The following RPH3A variants were observed in gnomAD, a reference collection of about 807,000 sequenced individuals.
The protein encoded by RPH3A is rabphilin-3A.
In RPH3A, 48 loss-of-function variants were observed where a neutral mutation model predicts 102.2. The ratio of observed to expected loss-of-function variants is 0.47; its 90% confidence interval spans 0.37 to 0.60. RPH3A has a LOEUF of 0.60. Among genes scored for constraint, RPH3A ranks in the 20% least tolerant of loss-of-function variants. RPH3A has a pLI of 0.00. For synonymous variants in RPH3A, 310 were observed against 324.3 expected, an observed-to-expected ratio of 0.96 and a Z score of 0.47; for missense variants, 781 against 910.1, an observed-to-expected ratio of 0.86 and a Z score of 1.83.
chr12:112,841,759 G>C (rs1315119198), intron 4 of RPH3A, among the ~76,000 whole-genome samples: 4 of 151,082 alleles, frequency 2.6e-5, no homozygotes, highest in Non-Finnish European at 4.4e-5. Flanking sequence ...TCTGGTCTGG[G>C]GTTAGTGTAT....
At chr12:112,708,706 C>A (rs2040441226) in intron 1 of RPH3A, among the ~76,000 whole-genome samples, 1 of 152,094 alleles carries the variant, frequency 6.6e-6, no homozygotes, top group Non-Finnish European at 1.5e-5. Flanking sequence ...GGATGAGTGT[C>A]CATGTATCTG....
At chr12:112,831,890 G>A in intron 3 of RPH3A, 1 of 448,056 alleles carries the variant, frequency 2.2e-6, no homozygotes, top group Non-Finnish European at 4.5e-6. Context: ...AGTATGATGT[G>A]CTTAAGTGTG....
intron 1 of RPH3A, among the ~76,000 whole-genome samples, chr12:112,733,451 G>T (rs1346968015): frequency 6.6e-6 from 1 of 152,166 alleles, no homozygotes; most frequent in Admixed American, 6.5e-5. Flanking sequence ...AAGATAAAGG[G>T]GTTGAAGCAG....
intron 13 of RPH3A, among the ~76,000 whole-genome samples, chr12:112,877,273 A>G (rs1035501494): frequency 1.3e-5 from 2 of 152,086 alleles, no homozygotes; most frequent in Non-Finnish European, 2.9e-5. Flanking sequence ...TCTTTAATGT[A>G]TATCTTCTAA....
Position 112,784,977 on chromosome 12 carries a change from C to T in RPH3A, c.-139-7166C>T, listed in dbSNP as rs545263334. Among the ~76,000 whole-genome samples, 15 of 152,306 alleles carry T rather than the reference C, an allele frequency of 9.8e-5. 1 individual carries two copies. The South Asian group carries it at 1.7e-3, about 17-fold the overall frequency. On this transcript the variant is annotated intron_variant, in intron 1 of 21. Coordinates refer to the RPH3A transcript ENST00000543106. ...GTGGCTCACGCCTATAATCCCAGCACTTTGGGAGGCAGAGGCGGGTGGATC... is the reference window on the plus strand; with the variant it reads ...GTGGCTCACGCCTATAATCCCAGCATTTTGGGAGGCAGAGGCGGGTGGATC...
chr12:112,890,820 G>A, intron 18 of RPH3A, 29 bp from the exon 19 acceptor site: 1 of 1,608,238 alleles, frequency 6.2e-7, no homozygotes, highest in Non-Finnish European at 8.5e-7. Flanking sequence ...TCCCCTCCAA[G>A]GCCCACACTG....
chr12:112,680,836 G>C (rs2040221502), intron 1 of RPH3A, among the ~76,000 whole-genome samples: 1 of 152,006 alleles, frequency 6.6e-6, no homozygotes, highest in Non-Finnish European at 1.5e-5. Context: ...TTTTAATGCT[G>C]ATAGCTTCCA....
chr12:112,802,055 G>A (rs1267834430), intron 2 of RPH3A, among the ~76,000 whole-genome samples: 1 of 152,126 alleles, frequency 6.6e-6, no homozygotes, highest in Non-Finnish European at 1.5e-5. Flanking sequence ...GCAACCCAGA[G>A]TATTTCTGAA....
chr12:112,577,052 T>C (rs1270364401), intron 1 of RPH3A, among the ~76,000 whole-genome samples: 2 of 151,936 alleles, frequency 1.3e-5, no homozygotes, highest in Non-Finnish European at 2.9e-5. Context: ...AACACAGGCA[T>C]GTGCCACTGT....
At chr12:112,880,219 A>T (rs1438536841) in intron 14 of RPH3A, among the ~76,000 whole-genome samples, 1 of 152,154 alleles carries the variant, frequency 6.6e-6, no homozygotes, top group Non-Finnish European at 1.5e-5. Context: ...TTGGACATCT[A>T]TTATGTATCA....
chr12:112,669,702 C>T (rs1222254805), intron 1 of RPH3A, among the ~76,000 whole-genome samples: 1 of 152,196 alleles, frequency 6.6e-6, no homozygotes, highest in Non-Finnish European at 1.5e-5. Flanking sequence ...TCATGATTTA[C>T]ATAAATGAGA....
intron 14 of RPH3A, among the ~76,000 whole-genome samples, chr12:112,881,089 G>A (rs1260949667): frequency 3.3e-5 from 5 of 152,186 alleles, no homozygotes; most frequent in East Asian, 3.9e-4. Flanking sequence ...CATGGTATAA[G>A]TGCTGTGCAG....
At chr12:112,646,149 G>C (rs1037741134) in intron 1 of RPH3A, among the ~76,000 whole-genome samples, 6 of 152,104 alleles carry the variant, frequency 3.9e-5, no homozygotes, top group African/African-American at 1.4e-4. Context: ...GTGTGCACCA[G>C]GATGCTTTTG....
At chr12:112,719,542 T>C (rs2040537618) in intron 1 of RPH3A, among the ~76,000 whole-genome samples, 1 of 152,206 alleles carries the variant, frequency 6.6e-6, no homozygotes, top group Admixed American at 6.5e-5. Flanking sequence ...TCTAATGGTC[T>C]TCCCCAGTAG....
intron 2 of RPH3A, among the ~76,000 whole-genome samples, chr12:112,806,808 A>G (rs939948440): frequency 6.6e-6 from 1 of 152,096 alleles, no homozygotes; most frequent in African/African-American, 2.4e-5. Flanking sequence ...GCAGGTAGAA[A>G]ATTATTCAAA....
chr12:112,600,430 G>A (rs1212427807), intron 1 of RPH3A, among the ~76,000 whole-genome samples: 1 of 152,098 alleles, frequency 6.6e-6, no homozygotes, highest in East Asian at 1.9e-4. Context: ...TAAGCAGTTG[G>A]GATTGTGAGA....
chr12:112,758,248 C>T (rs2040833983), intron 1 of RPH3A, among the ~76,000 whole-genome samples: 1 of 152,236 alleles, frequency 6.6e-6, no homozygotes, highest in African/African-American at 2.4e-5. Flanking sequence ...ATCTGCAATA[C>T]CAGGCAACTG....
At chr12:112,590,901 C>A (rs928448981) in intron 1 of RPH3A, among the ~76,000 whole-genome samples, 4 of 152,240 alleles carry the variant, frequency 2.6e-5, no homozygotes, top group African/African-American at 9.6e-5. Context: ...TTCAAGTGAT[C>A]TTCCTGCCTC....
At chr12:112,877,922 C>T (rs139929905) in intron 13 of RPH3A, among the ~76,000 whole-genome samples, 54 of 152,318 alleles carry the variant, frequency 3.5e-4, no homozygotes, top group Admixed American at 6.5e-4. Flanking sequence ...ATCTTCCCTA[C>T]GAACCTGGGC....
Sources: allele counts gnomAD v4.1 joint callset (sites outside exome capture counted in the v4.1 genomes callset), GRCh38; gene constraint gnomAD v4.1.1; transcripts MANE v1.5; gene names NCBI Gene and HGNC (gene_info 2026-07-23, HGNC 2026-07-21).